Variants in GALNT13 observed in about 807,000 individuals in gnomAD.
GALNT13 encodes the protein polypeptide N-acetylgalactosaminyltransferase 13.
GALNT13 carries 28 observed loss-of-function variants against 64.2 expected under a neutral mutation model. The ratio of observed to expected loss-of-function variants is 0.44; its 90% CI spans 0.32 to 0.60. The LOEUF (loss-of-function observed/expected upper bound fraction) is 0.60. Ranked by LOEUF, GALNT13 falls within the 20% of genes least tolerant of loss-of-function variation. The pLI is 0.05. For missense variants in GALNT13, 577 were observed against 669.8 expected (o/e 0.86, Z 1.53); for synonymous variants, 214 against 224.6 (o/e 0.95, Z 0.42).
At chr2:153,838,744 G>A in the GALNT13 span, among the ~76,000 whole-genome samples, 3 of 151,702 alleles carry the variant, frequency 2.0e-5, no homozygotes, top group African/African-American at 7.3e-5. Context: ...TTGGTCTTTT[G>A]TCTACTCAGG....
At chr2:154,174,537 G>C (rs566092144) in intron 4 of GALNT13, among the ~76,000 whole-genome samples, 2 of 152,236 alleles carry the variant, frequency 1.3e-5, no homozygotes, top group African/African-American at 4.8e-5. Flanking sequence ...CACGACCTTT[G>C]AAAAGTGAAC....
At chr2:153,694,228 T>C in the GALNT13 span, among the ~76,000 whole-genome samples, 1 of 152,146 alleles carries the variant, frequency 6.6e-6, no homozygotes, top group African/African-American at 2.4e-5. Flanking sequence ...CCTAGCGAGT[T>C]TGGGGTGCTG....
At chr2:153,910,940 A>G (rs948712745) in intron 2 of GALNT13, among the ~76,000 whole-genome samples, 2 of 152,158 alleles carry the variant, frequency 1.3e-5, no homozygotes, top group Admixed American at 6.6e-5. Context: ...TATCAGGTCC[A>G]TTTGGTCCTT....
At chr2:154,367,228 C>T (rs1245347795) in intron 9 of GALNT13, among the ~76,000 whole-genome samples, 1 of 151,982 alleles carries the variant, frequency 6.6e-6, no homozygotes, top group East Asian at 1.9e-4. Context: ...AAATAACTAT[C>T]AGGGAACAAG....
At chr2:153,330,301 T>C in the GALNT13 span, among the ~76,000 whole-genome samples, 7 of 152,240 alleles carry the variant, frequency 4.6e-5, no homozygotes, top group Non-Finnish European at 8.8e-5. Context: ...TAGCTTTTTC[T>C]AGTTCTGTGA....
the GALNT13 span, among the ~76,000 whole-genome samples, chr2:153,366,776 G>C: frequency 3.0e-4 from 33 of 110,346 alleles, no homozygotes; most frequent in African/African-American, 1.2e-3. Flanking sequence ...CACACACACT[G>C]CTATAAATAT....
At chr2:153,130,923 G>A in the GALNT13 span, among the ~76,000 whole-genome samples, 2 of 152,120 alleles carry the variant, frequency 1.3e-5, no homozygotes, top group Admixed American at 1.3e-4. Flanking sequence ...GAGAGGAATT[G>A]GAGCTAGCAT....
chr2:154,362,038 T>G (rs6435165), intron 9 of GALNT13, among the ~76,000 whole-genome samples: 88,435 of 151,784 alleles, frequency 0.58, 26,148 homozygotes, highest in Admixed American at 0.65. Flanking sequence ...TGGAATCAGC[T>G]CTAACTAAGC....
the GALNT13 span, among the ~76,000 whole-genome samples, chr2:153,767,900 G>A: frequency 1.3e-4 from 19 of 151,470 alleles, no homozygotes; most frequent in Non-Finnish European, 2.4e-4. Context: ...TTATTTAAGT[G>A]GTCTGTTTAC....
the GALNT13 span, among the ~76,000 whole-genome samples, chr2:153,560,980 A>G: frequency 2.6e-5 from 4 of 151,948 alleles, no homozygotes; most frequent in Admixed American, 6.6e-5. Flanking sequence ...TTGCATCTTT[A>G]ATGAGTCTTT....
At chr2:153,124,401 A>G in the GALNT13 span, among the ~76,000 whole-genome samples, 2 of 152,362 alleles carry the variant, frequency 1.3e-5, no homozygotes, top group African/African-American at 4.8e-5. Flanking sequence ...TAGCAAATAT[A>G]AAAGCTATTA....
At chr2:153,402,720 T>C in the GALNT13 span, among the ~76,000 whole-genome samples, 72 of 152,310 alleles carry the variant, frequency 4.7e-4, no homozygotes, top group Admixed American at 2.2e-3. Flanking sequence ...TTGATCGCAT[T>C]GGCTCCTGAG....
intron 9 of GALNT13, among the ~76,000 whole-genome samples, chr2:154,389,642 A>G (rs1034963225): frequency 3.3e-5 from 5 of 152,146 alleles, no homozygotes; most frequent in Non-Finnish European, 7.3e-5. Context: ...TTGAAATGCC[A>G]GGGGTTTGGT....
chr2:153,565,876 G>A, the GALNT13 span, among the ~76,000 whole-genome samples: 36 of 151,452 alleles, frequency 2.4e-4, no homozygotes, highest in South Asian at 2.1e-4. Context: ...CCCTCTGTTT[G>A]GTTTATTAAT....
At chr2:154,124,349 G>A (rs1164348511) in intron 3 of GALNT13, among the ~76,000 whole-genome samples, 2 of 151,976 alleles carry the variant, frequency 1.3e-5, no homozygotes, top group Non-Finnish European at 2.9e-5. Flanking sequence ...TTTGAATCGA[G>A]TATATTTCCT....
intron 11 of GALNT13, chr2:154,437,442 A>T: frequency 1.2e-6 from 1 of 841,716 alleles, no homozygotes; most frequent in Non-Finnish European, 1.6e-6. Context: ...AAAGACCCTG[A>T]CATGACCTTT....
the GALNT13 span, among the ~76,000 whole-genome samples, chr2:153,438,635 G>A: frequency 7.0e-4 from 106 of 152,260 alleles, no homozygotes; most frequent in Non-Finnish European, 1.6e-4. Flanking sequence ...TGAGGCTTGT[G>A]CATTCATCAC....
At chr2:154,111,395 A>G (rs1186564607) in intron 3 of GALNT13, among the ~76,000 whole-genome samples, 1 of 152,216 alleles carries the variant, frequency 6.6e-6, no homozygotes, top group Non-Finnish European at 1.5e-5. Context: ...GTTGTAGAGT[A>G]GTAAACTGAT....
At chr2:154,318,920 C>T (rs1333105801) in intron 9 of GALNT13, among the ~76,000 whole-genome samples, 2 of 151,866 alleles carry the variant, frequency 1.3e-5, no homozygotes, top group Non-Finnish European at 2.9e-5. Flanking sequence ...AATATATATA[C>T]ACACATATGT....
Sources: gnomAD v4.1 joint callset for allele counts (sites outside exome capture counted in the v4.1 genomes callset) on GRCh38, gnomAD v4.1.1 for gene constraint, MANE v1.5 for transcripts, NCBI Gene and HGNC (gene_info 2026-07-23, HGNC 2026-07-21) for gene names.